PCSK1: variants seen among roughly 807,000 people sequenced by gnomAD.
PCSK1 encodes neuroendocrine convertase 1.
Under a neutral mutation model 90.6 loss-of-function variants are expected in PCSK1, and 56 were observed. That is an observed-to-expected ratio of 0.62 (90% CI 0.50 to 0.77). The LOEUF is 0.77. Ranked by LOEUF, PCSK1 falls within the 30% of genes least tolerant of loss-of-function variation. The probability of loss-of-function intolerance (pLI) is 0.00; values close to 1 mark genes in which losing one functional copy is unlikely to be tolerated. For synonymous variants in PCSK1, 348 were observed against 342.4 expected (o/e 1.02, Z -0.18); for missense variants, 801 against 932.6 (o/e 0.86, Z 1.84).
At chr5:96,424,824 A>G (rs531990767) in intron 3 of PCSK1, among the ~76,000 whole-genome samples, 1 of 152,012 alleles carries the variant, frequency 6.6e-6, no homozygotes, top group Non-Finnish European at 1.5e-5. Flanking sequence ...TTAGCTGGGC[A>G]TGGTGGCGGG....
chr5:96,395,727 A>T (rs1760116014), intron 12 of PCSK1, among the ~76,000 whole-genome samples: 1 of 152,202 alleles, frequency 6.6e-6, no homozygotes, highest in African/African-American at 2.4e-5. Flanking sequence ...CCACCATGGC[A>T]TGTGTATACC....
At chr5:96,405,488 C>T (rs963846437) in intron 9 of PCSK1, among the ~76,000 whole-genome samples, 4 of 152,112 alleles carry the variant, frequency 2.6e-5, no homozygotes, top group Admixed American at 2.6e-4. Context: ...ATTCCTAGAT[C>T]ATTTTCTCCT....
Position 96,432,915 on chromosome 5 carries a change from G to C in PCSK1, c.128C>G (p.Pro43Arg). Residue 43 changes from proline to arginine, a missense_variant, in exon 1 of 14, where the codon CCG becomes CGG. Coordinates refer to ENST00000311106, the MANE Select transcript of PCSK1 (RefSeq NM_000439.5). The part of the protein sequence containing the change: ...NEWAAEIPGG[P>R]EAASAIAEEL... ...CTCGGCGATGGCCGAGGCTGCTTCC[G>C]GGCCCCCGGGGATCTCCGCTGCCCA... is the stretch of plus-strand genomic sequence containing the variant. 3.7e-6 allele frequency: 6 copies of C among 1,614,100 alleles called. No homozygotes were observed. The highest frequency in any genetic ancestry group is 5.1e-6 in the Non-Finnish European group (6 of 1,179,978).
Position 96,398,871 on chromosome 5 carries a change from T to A in PCSK1, c.1588+8A>T, listed in dbSNP as rs748197920. On this transcript the variant is annotated splice_region_variant and intron_variant, in intron 11 of 13. Coordinates refer to ENST00000311106, the MANE Select transcript of PCSK1 (RefSeq NM_000439.5). ...AAATATAAATGGCTTAGAACTTTTT[T>A]AATTTACCAGCAGCAGAAGTAAGTG... 86 of 1,610,846 alleles carry A rather than the reference T, an allele frequency of 5.3e-5. 1 individual carries two copies. Among genetic ancestry groups the A allele is most frequent in the Admixed American group, 2.3e-4 (14 of 60,008 alleles).
chr5:96,411,771 C>T (rs1465683934), intron 7 of PCSK1, among the ~76,000 whole-genome samples: 1 of 152,140 alleles, frequency 6.6e-6, no homozygotes, highest in Non-Finnish European at 1.5e-5. Flanking sequence ...AATAAATTTC[C>T]ATTCAACCTC....
intron 13 of PCSK1, among the ~76,000 whole-genome samples, chr5:96,394,057 A>G (rs1269749318): frequency 6.6e-6 from 1 of 152,232 alleles, no homozygotes; most frequent in Non-Finnish European, 1.5e-5. Flanking sequence ...TGGAACTAGA[A>G]TTCAAGCTGA....
At chr5:96,408,401 C>A in intron 8 of PCSK1, 78 bp from the exon 9 acceptor site, 1 of 973,744 alleles carries the variant, frequency 1.0e-6, no homozygotes, top group Non-Finnish European at 1.6e-6. Context: ...TTAACTGTAC[C>A]AAAGGCTGCA....
intron 4 of PCSK1, 37 bp from the exon 5 acceptor site, chr5:96,421,993 TAAAAAAAAAAAAAAA>T (rs11317408): frequency 5.6e-6 from 2 of 355,790 alleles, no homozygotes; most frequent in South Asian, 4.9e-5. Flanking sequence ...GTGGCAGCAT[TAAAAAAAAAAAAAAA>T]AAAAAAAAAA....
intron 9 of PCSK1, among the ~76,000 whole-genome samples, chr5:96,405,057 C>A (rs1386255127): frequency 6.6e-6 from 1 of 152,060 alleles, no homozygotes; most frequent in Non-Finnish European, 1.5e-5. Context: ...GGTCACATGT[C>A]TAGAAATTCT....
chr5:96,430,323 G>GAAAC (rs1234894308), intron 1 of PCSK1, among the ~76,000 whole-genome samples: 5 of 152,150 alleles, frequency 3.3e-5, no homozygotes, highest in African/African-American at 1.2e-4. Flanking sequence ...TTAAAATTAA[G>GAAAC]AAACAAACAG....
intron 6 of PCSK1, 50 bp downstream of exon 6, chr5:96,415,983 G>A (rs1473589912): frequency 1.7e-6 from 2 of 1,150,482 alleles, no homozygotes; most frequent in African/African-American, 1.5e-5. Flanking sequence ...AATGGGTGAT[G>A]TAAGCTTCAC....
At chr5:96,405,652 C>T (rs1056834867) in intron 9 of PCSK1, among the ~76,000 whole-genome samples, 4 of 152,078 alleles carry the variant, frequency 2.6e-5, no homozygotes, top group African/African-American at 7.2e-5. Flanking sequence ...GCCTGGGTGA[C>T]GGAGTGAGAC....
chr5:96,397,124 C>T (rs1029353985), intron 12 of PCSK1, among the ~76,000 whole-genome samples: 3 of 152,206 alleles, frequency 2.0e-5, no homozygotes, highest in African/African-American at 4.8e-5. Context: ...GTTTTTCCCC[C>T]TCTTATAGTA....
In PCSK1 at chr5:96,408,206, A is replaced by T; in HGVS notation, c.1196+17T>A. On this transcript the variant is annotated intron_variant, in intron 9 of 13. Transcript: ENST00000311106. ...ATCAGCCTTTGTAAAGGTGATTAGA[A>T]GCTTTCTGGGCCTTACTTTGCTTCC... 6.3e-7 allele frequency: 1 copy of T among 1,584,966 alleles called. No individual in the cohort carries two copies. Among genetic ancestry groups the T allele is most frequent in the Non-Finnish European group, 8.7e-7 (1 of 1,153,660 alleles).
Position 96,423,363 on chromosome 5 carries a change from C to T in PCSK1, c.493G>A (p.Val165Ile), listed in dbSNP as rs758046584. 1.1e-5 allele frequency: 18 copies of T among 1,613,530 alleles called. No individual in the cohort carries two copies. The highest frequency in any genetic ancestry group is 6.7e-5 in the East Asian group (3 of 44,876). The part of the protein sequence containing the change: ...GITGKGVVIT[V>I]LDDGLEWNHT... ...TTCCACTCCAAACCATCATCCAGTA[C>T]GGTGATAACAACTCCTTTGCCCGTA... Residue 165 changes from valine to isoleucine, a missense_variant, in exon 4 of 14, where the codon GTA (valine) becomes ATA (isoleucine). Coordinates refer to ENST00000311106, the MANE Select transcript of PCSK1 (RefSeq NM_000439.5).
intron 9 of PCSK1, 69 bp from the exon 10 acceptor site, chr5:96,400,255 C>A (rs1056927278): frequency 6.0e-6 from 6 of 996,618 alleles, no homozygotes; most frequent in East Asian, 4.8e-5. Context: ...CAAGTGCTAA[C>A]AATAAGCATC....
intron 6 of PCSK1, 117 bp from the exon 7 acceptor site, chr5:96,412,607 A>C: frequency 1.1e-6 from 1 of 941,506 alleles, no homozygotes; most frequent in Admixed American, 2.0e-5. Flanking sequence ...AAAACCAGGT[A>C]ACTACTAGAT....
intron 2 of PCSK1, 68 bp downstream of exon 2, chr5:96,429,139 CTGTTTT>C (rs943530959): frequency 2.5e-6 from 2 of 801,560 alleles, no homozygotes; most frequent in Non-Finnish European, 4.3e-6. Flanking sequence ...CAAAATGCTT[CTGTTTT>C]TATTAGAAAT....
intron 12 of PCSK1, among the ~76,000 whole-genome samples, chr5:96,396,963 G>T (rs1371827539): frequency 2.0e-5 from 3 of 152,186 alleles, no homozygotes; most frequent in Non-Finnish European, 4.4e-5. Context: ...ATGTGACTCT[G>T]GCAGAATGTC....
Sources: allele counts gnomAD v4.1 joint callset (sites outside exome capture counted in the v4.1 genomes callset), GRCh38; gene constraint gnomAD v4.1.1; transcripts MANE v1.5; gene names NCBI Gene and HGNC (gene_info 2026-07-23, HGNC 2026-07-21).